MAGI1: variants seen among roughly 807,000 people sequenced by gnomAD.
MAGI1 encodes membrane-associated guanylate kinase, WW and PDZ domain-containing protein 1.
Under a neutral mutation model 139.9 loss-of-function variants are expected in MAGI1, and 58 were observed. The ratio of observed to expected loss-of-function variants is 0.41; its 90% CI spans 0.34 to 0.52. The LOEUF (loss-of-function observed/expected upper bound fraction) is 0.52. Among genes scored for constraint, MAGI1 ranks in the 20% least tolerant of loss-of-function variants. The pLI is 0.12. For missense variants in MAGI1, 1,874 were observed against 1,901.6 expected, an observed-to-expected ratio of 0.99 and a Z score of 0.27; for synonymous variants, 812 against 737.9, an observed-to-expected ratio of 1.10 and a Z score of -1.63.
At chr3:65,462,910 C>G (rs1299997026) in intron 5 of MAGI1, among the ~76,000 whole-genome samples, 2 of 152,114 alleles carry the variant, frequency 1.3e-5, no homozygotes, top group Non-Finnish European at 2.9e-5. Flanking sequence ...CATGATTTGG[C>G]TCTCTGTTTG....
intron 1 of MAGI1, among the ~76,000 whole-genome samples, chr3:65,871,405 G>C (rs2059934972): frequency 6.6e-6 from 1 of 152,228 alleles, no homozygotes; most frequent in South Asian, 2.1e-4. Context: ...ACTTGCTCCA[G>C]GATTGGGACA....
intron 1 of MAGI1, among the ~76,000 whole-genome samples, chr3:65,819,376 G>A (rs2041804458): frequency 6.6e-6 from 1 of 152,152 alleles, no homozygotes; most frequent in Admixed American, 6.5e-5. Flanking sequence ...TTTTATCATT[G>A]CTTAATTCAC....
chr3:65,408,412 A>G (rs1318142862), intron 12 of MAGI1, among the ~76,000 whole-genome samples: 1 of 152,224 alleles, frequency 6.6e-6, no homozygotes. Context: ...TGGTAAAAGG[A>G]ATGTGCCTCC....
intron 1 of MAGI1, among the ~76,000 whole-genome samples, chr3:65,671,067 A>G (rs1423378625): frequency 6.6e-6 from 1 of 152,202 alleles, no homozygotes; most frequent in Non-Finnish European, 1.5e-5. Flanking sequence ...CAGCCATGCA[A>G]TTCTTCTAAG....
At chr3:65,486,411 C>G (rs753871312) in intron 3 of MAGI1, among the ~76,000 whole-genome samples, 9 of 152,134 alleles carry the variant, frequency 5.9e-5, no homozygotes, top group Non-Finnish European at 1.0e-4. Flanking sequence ...CCCTTGTAAA[C>G]TCTCTCCTAG....
At chr3:65,735,407 T>C (rs1329761987) in intron 1 of MAGI1, among the ~76,000 whole-genome samples, 1 of 136,054 alleles carries the variant, frequency 7.4e-6, no homozygotes, top group Non-Finnish European at 1.6e-5. Context: ...ATATAAATAT[T>C]GGAGGTGATT....
intron 2 of MAGI1, among the ~76,000 whole-genome samples, chr3:65,617,098 T>C (rs2083416722): frequency 6.6e-6 from 1 of 152,206 alleles, no homozygotes. Flanking sequence ...CCACATCAAA[T>C]TTAAATTGCC....
chr3:65,636,938 A>G (rs888059922), intron 1 of MAGI1, among the ~76,000 whole-genome samples: 1 of 152,236 alleles, frequency 6.6e-6, no homozygotes, highest in Non-Finnish European at 1.5e-5. Flanking sequence ...AAAGGCTTCA[A>G]TATACACAAG....
chr3:65,475,454 T>C (rs1950840461), intron 4 of MAGI1, among the ~76,000 whole-genome samples: 1 of 152,160 alleles, frequency 6.6e-6, no homozygotes, highest in South Asian at 2.1e-4. Context: ...CCTCAGGTGA[T>C]CTGCCCGCCT....
intron 1 of MAGI1, among the ~76,000 whole-genome samples, chr3:65,742,686 G>A (rs954668628): frequency 6.6e-6 from 1 of 152,194 alleles, no homozygotes; most frequent in African/African-American, 2.4e-5. Flanking sequence ...ACTACTTCAT[G>A]CGCTCTCAAC....
At chr3:65,927,102 A>G (rs1365323167) in intron 1 of MAGI1, among the ~76,000 whole-genome samples, 1 of 152,204 alleles carries the variant, frequency 6.6e-6, no homozygotes, top group African/African-American at 2.4e-5. Context: ...ATAATCAAGA[A>G]ATAACCATAA....
intron 1 of MAGI1, among the ~76,000 whole-genome samples, chr3:65,807,461 C>T (rs2040935111): frequency 6.6e-6 from 1 of 152,180 alleles, no homozygotes; most frequent in Non-Finnish European, 1.5e-5. Context: ...CCTCTTAACA[C>T]TATCACATTG....
At chr3:65,887,663 G>C (rs2060587029) in intron 1 of MAGI1, among the ~76,000 whole-genome samples, 1 of 152,090 alleles carries the variant, frequency 6.6e-6, no homozygotes, top group South Asian at 2.1e-4. Context: ...TGTCTGGTTA[G>C]GACGTTAATA....
At chr3:65,895,033 G>C in intron 1 of MAGI1, among the ~76,000 whole-genome samples, 1 of 151,942 alleles carries the variant, frequency 6.6e-6, no homozygotes, top group East Asian at 1.9e-4. Flanking sequence ...GCTAGCTAAT[G>C]TTATTTATTA....
chr3:65,728,691 C>A (rs2033867815), intron 1 of MAGI1, among the ~76,000 whole-genome samples: 1 of 152,066 alleles, frequency 6.6e-6, no homozygotes, highest in South Asian at 2.1e-4. Flanking sequence ...AAACAACTGT[C>A]CCAAAGAAAT....
chr3:65,723,779 C>A (rs1162394673), intron 1 of MAGI1, among the ~76,000 whole-genome samples: 2 of 152,190 alleles, frequency 1.3e-5, no homozygotes, highest in Admixed American at 1.3e-4. Flanking sequence ...ATCATAATCA[C>A]AGTTTTGGTG....
At chr3:65,788,577 T>A (rs577420646) in intron 1 of MAGI1, among the ~76,000 whole-genome samples, 2 of 152,324 alleles carry the variant, frequency 1.3e-5, no homozygotes, top group East Asian at 3.9e-4. Flanking sequence ...TGCTCACAGT[T>A]CAAAGTTTGG....
chr3:65,404,976 T>C (rs1294035786), intron 12 of MAGI1, among the ~76,000 whole-genome samples: 1 of 152,172 alleles, frequency 6.6e-6, no homozygotes, highest in Non-Finnish European at 1.5e-5. Context: ...ATATAAGGCA[T>C]ACGGCACCTG....
intron 2 of MAGI1, among the ~76,000 whole-genome samples, chr3:65,559,816 C>T (rs1001935163): frequency 6.6e-6 from 1 of 152,162 alleles, no homozygotes; most frequent in African/African-American, 2.4e-5. Flanking sequence ...AGGAGGATCC[C>T]TTGAGCTGAA....
Sources: gnomAD v4.1 joint callset for allele counts (sites outside exome capture counted in the v4.1 genomes callset) on GRCh38, gnomAD v4.1.1 for gene constraint, MANE v1.5 for transcripts, NCBI Gene and HGNC (gene_info 2026-07-23, HGNC 2026-07-21) for gene names.